OPRM1: variants seen among roughly 807,000 people sequenced by gnomAD.
The protein encoded by OPRM1 is opioid receptor mu 1, also known as mu-type opioid receptor.
Under a neutral mutation model 31.8 loss-of-function variants are expected in OPRM1, and 27 were observed. That is an observed-to-expected ratio of 0.85 (90% CI 0.63 to 1.17). The LOEUF (loss-of-function observed/expected upper bound fraction) is 1.17, where lower values mean the gene tolerates loss of function less well. Among genes scored for constraint, OPRM1 ranks in the 50% most tolerant of loss-of-function variants. OPRM1 has a pLI of 0.00. For synonymous variants in OPRM1, 196 were observed against 189.9 expected, an observed-to-expected ratio of 1.03 and a Z score of -0.26; for missense variants, 536 against 511.1, an observed-to-expected ratio of 1.05 and a Z score of -0.47.
At chr6:154,242,564 T>C (rs1780681010) in intron 3 of OPRM1, among the ~76,000 whole-genome samples, 1 of 152,056 alleles carries the variant, frequency 6.6e-6, no homozygotes, top group South Asian at 2.1e-4. Flanking sequence ...GACAAGCAAG[T>C]ACTCAAAAAA....
At chr6:154,055,015 AT>A (rs1319001691) in intron 1 of OPRM1, among the ~76,000 whole-genome samples, 2 of 152,244 alleles carry the variant, frequency 1.3e-5, no homozygotes, top group Admixed American at 1.3e-4. Context: ...AAAAATAGCC[AT>A]ATTCAACCTC....
Position 154,126,372 on chromosome 6 carries a change from G to A in OPRM1, c.*7651G>A, listed in dbSNP as rs531546739. Among the ~76,000 whole-genome samples, 2 of 152,302 alleles carry A rather than the reference G, an allele frequency of 1.3e-5. No individual in the cohort carries two copies. Among genetic ancestry groups the A allele is most frequent in the South Asian group, 4.1e-4 (2 of 4,830 alleles). On this transcript the variant is annotated 3_prime_UTR_variant, in exon 4 of 4. Coordinates refer to ENST00000330432, the MANE Select transcript of OPRM1 (RefSeq NM_000914.5). ...GAGACTACATTTGTGTGACCTAATG[G>A]TTGTGATTTCACTGTCCAAGAGGAC...
chr6:154,186,062 T>G (rs967433512), intron 3 of OPRM1, among the ~76,000 whole-genome samples: 1 of 152,330 alleles, frequency 6.6e-6, no homozygotes, highest in Middle Eastern at 3.4e-3. Context: ...CTTCTCTGTG[T>G]TCTCTCTCCC....
In OPRM1 at chr6:154,119,854, T is replaced by C. The variant is rs1187016102; in HGVS notation, c.*1133T>C. On this transcript the variant is annotated 3_prime_UTR_variant, in exon 4 of 4. Coordinates refer to ENST00000330432, the MANE Select transcript of OPRM1 (RefSeq NM_000914.5). The stretch of plus-strand genomic sequence containing the variant: ...TGGCCCAAAAATATTTTCCTGAAGA[T>C]TGTGTTTATATAATGTCATCACCAA... 1.3e-5 allele frequency among the ~76,000 whole-genome samples: 2 copies of C among 152,224 alleles called. No homozygotes were observed. Among genetic ancestry groups the C allele is most frequent in the African/African-American group, 2.4e-5 (1 of 41,466 alleles).
intron 3 of OPRM1, among the ~76,000 whole-genome samples, chr6:154,095,935 T>C (rs974844667): frequency 2.6e-5 from 4 of 152,210 alleles, no homozygotes; most frequent in Admixed American, 2.6e-4. Context: ...TTTATTTCGA[T>C]CACTTCAGGT....
At chr6:154,104,768 T>G (rs568342166) in intron 3 of OPRM1, among the ~76,000 whole-genome samples, 1 of 152,346 alleles carries the variant, frequency 6.6e-6, no homozygotes, top group South Asian at 2.1e-4. Context: ...ACATAAGCTC[T>G]TTTTAAATTG....
rs1171811247 is a variant in OPRM1 at position 154,126,414 on chromosome 6, T to A, written c.*7693T>A. ...CAAGAGGACAAAGACAAAGAAATTC[T>A]GGGAAGGAGAACAACAATTATATTC... On this transcript the variant is annotated 3_prime_UTR_variant, in exon 4 of 4. Coordinates refer to ENST00000330432, the MANE Select transcript of OPRM1 (RefSeq NM_000914.5). Among the ~76,000 whole-genome samples, 1 of 152,202 alleles carries A rather than the reference T, an allele frequency of 6.6e-6. No individual in the cohort carries two copies. Among genetic ancestry groups the A allele is most frequent in the East Asian group, 1.9e-4 (1 of 5,198 alleles).
rs1351533689 is a variant in OPRM1 at position 154,039,352 on chromosome 6, G to A, written c.-193G>A. The A allele has an allele frequency of 6.5e-7, 1 of 1,546,524 alleles. No homozygotes were observed. The highest frequency in any genetic ancestry group is 1.4e-5 in the African/African-American group (1 of 73,064). ...CTAAGGTGGGAGGGGGCTATACGCA[G>A]AGGAGAATGTCAGATGCTCAGCTCG... is the stretch of plus-strand genomic sequence containing the variant. On this transcript the variant is annotated 5_prime_UTR_variant, in exon 1 of 4. Transcript: ENST00000330432.
rs1318055637 is a variant in OPRM1, at chr6:154,087,508, C to G, written c.291-2318C>G. 4 of 985,352 alleles carry G rather than the reference C, an allele frequency of 4.1e-6. No homozygotes were observed. In the African/African-American group the frequency reaches 7.0e-5, roughly 17 times the overall value. The allele number at this position is 985,352 out of a possible 1,614,324, so 61.0% of individuals were successfully genotyped here. A position where few individuals can be genotyped will look rare whatever the true frequency, so the allele number is the denominator to read the frequency against. On this transcript the variant is annotated intron_variant, in intron 1 of 3. Coordinates refer to ENST00000330432, the MANE Select transcript of OPRM1 (RefSeq NM_000914.5). ...GGGTTCTCTCTCACGCTCTCAAATC[C>G]ACATCCTCCGGATTAGGTCCATTTT...
intron 1 of OPRM1, among the ~76,000 whole-genome samples, chr6:154,072,261 C>T (rs867351545): frequency 6.6e-6 from 1 of 152,128 alleles, no homozygotes; most frequent in Admixed American, 6.5e-5. Flanking sequence ...CAAGAGAATG[C>T]ATCATGTTGC....
At position 154,195,282 on chromosome 6, in the gene OPRM1, G is replaced by T. The variant is rs941553141; in HGVS notation, c.1165-51411G>T. ...CCTGCCTCAGCCTCCCGAGTAGGTGGGACTACAGGCGCCCGCCACCACACC... is the reference window on the plus strand; with the variant it reads ...CCTGCCTCAGCCTCCCGAGTAGGTGTGACTACAGGCGCCCGCCACCACACC... On this transcript the variant is annotated intron_variant, in intron 3 of 3. Transcript: ENST00000337049. Among the ~76,000 whole-genome samples, 39 of 151,610 alleles carry T rather than the reference G, an allele frequency of 2.6e-4. 1 individual carries two copies. Among genetic ancestry groups the T allele is most frequent in the Admixed American group, 4.6e-4 (7 of 15,224 alleles).
In OPRM1 at chr6:154,130,046, GTAAACT is replaced by G. The variant is rs1797803455; in HGVS notation, c.*11330_*11335del. 6.6e-6 allele frequency among the ~76,000 whole-genome samples: 1 copy of G among 151,810 alleles called. No individual in the cohort carries two copies. The highest frequency in any genetic ancestry group is 1.5e-5 in the Non-Finnish European group (1 of 67,994). ...TGTTATTTACATTTGTACTCTGGAA[GTAAACT>G]TAAAATGAAAATTAGAATTTGCTTT... On this transcript the variant is annotated 3_prime_UTR_variant, in exon 4 of 4. Transcript: ENST00000330432.
chr6:154,055,278 C>A (rs1435179488), intron 1 of OPRM1, among the ~76,000 whole-genome samples: 1 of 152,064 alleles, frequency 6.6e-6, no homozygotes, highest in Non-Finnish European at 1.5e-5. Flanking sequence ...ATCCCAGCTA[C>A]TTGGGAGGCT....
chr6:154,080,231 T>G (rs946483434), intron 1 of OPRM1, among the ~76,000 whole-genome samples: 1 of 152,204 alleles, frequency 6.6e-6, no homozygotes, highest in Non-Finnish European at 1.5e-5. Context: ...ATTCAATATG[T>G]TAAGATGCAT....
At chr6:154,238,931 A>T (rs1918758) in intron 3 of OPRM1, among the ~76,000 whole-genome samples, 79,595 of 148,674 alleles carry the variant, frequency 0.54, 21,563 homozygotes, top group Middle Eastern at 0.65. Context: ...TGTTTTTTTT[A>T]AAAAAAAAAA....
chr6:154,211,182 C>G (rs565455046), intron 3 of OPRM1, among the ~76,000 whole-genome samples: 1 of 151,892 alleles, frequency 6.6e-6, no homozygotes, highest in Non-Finnish European at 1.5e-5. Flanking sequence ...TTTGGGAGGC[C>G]GAGGCAGGCG....
At chr6:154,045,188 G>A (rs1215956133) in intron 1 of OPRM1, among the ~76,000 whole-genome samples, 5 of 151,938 alleles carry the variant, frequency 3.3e-5, no homozygotes, top group Non-Finnish European at 5.9e-5. Context: ...TCGCACCACT[G>A]CACTCCAGCC....
In OPRM1 at chr6:154,127,474, G is replaced by C. The variant is rs1376015576; in HGVS notation, c.*8753G>C. On this transcript the variant is annotated 3_prime_UTR_variant, in exon 4 of 4. Transcript: ENST00000330432. ...TTTATTTGTTTGTTGTGTTTAAGACGTTTTACTTGTCCCTGAAATGTTTGT... is the reference window on the plus strand; with the variant it reads ...TTTATTTGTTTGTTGTGTTTAAGACCTTTTACTTGTCCCTGAAATGTTTGT... 6.6e-6 allele frequency among the ~76,000 whole-genome samples: 1 copy of C among 152,086 alleles called. No homozygotes were observed. The highest frequency in any genetic ancestry group is 1.5e-5 in the Non-Finnish European group (1 of 68,016).
At chr6:154,190,080 C>T (rs113597783) in intron 3 of OPRM1, among the ~76,000 whole-genome samples, 195 of 152,226 alleles carry the variant, frequency 1.3e-3, no homozygotes, top group African/African-American at 4.5e-3. Flanking sequence ...GAATATTCTG[C>T]TCTCATGTAC....
Sources: gnomAD v4.1 joint callset for allele counts (sites outside exome capture counted in the v4.1 genomes callset) on GRCh38, gnomAD v4.1.1 for gene constraint, MANE v1.5 for transcripts, NCBI Gene and HGNC (gene_info 2026-07-23, HGNC 2026-07-21) for gene names.